STX18: variants seen among roughly 807,000 people sequenced by gnomAD.
STX18 encodes syntaxin 18.
A neutral mutation model predicts 50.1 loss-of-function variants in STX18; 40 were observed. The ratio of observed to expected loss-of-function variants is 0.80; its 90% confidence interval spans 0.62 to 1.04. The LOEUF is 1.04. Ranked by LOEUF, STX18 falls within the 50% of genes least tolerant of loss-of-function variation. The pLI is 0.00. For missense variants in STX18, 410 were observed against 415.8 expected (o/e 0.99, Z 0.12); for synonymous variants, 158 against 151.8 (o/e 1.04, Z -0.30).
chr4:4,436,439 T>C (rs1725778863), intron 6 of STX18, among the ~76,000 whole-genome samples: 1 of 151,474 alleles, frequency 6.6e-6, no homozygotes, highest in Admixed American at 6.6e-5. Flanking sequence ...CTCCTACTTG[T>C]CCTCATTATG....
rs1724854765 is a variant in STX18 at position 4,420,184 on chromosome 4, A to C, written c.913-55T>G. On this transcript the variant is annotated intron_variant, in intron 10 of 10. Coordinates refer to ENST00000306200, the MANE Select transcript of STX18 (RefSeq NM_016930.4). This position sits in a 1 kb window ranked among gnomAD's most constrained non-coding sequence, Gnocchi z 4.3. Reference sequence around the variant, plus strand: ...TATCACACAGGATTTTGGTTTGAGCAGCCCTGAAATGCCCCCCTCTTCCCA... The same window carrying C: ...TATCACACAGGATTTTGGTTTGAGCCGCCCTGAAATGCCCCCCTCTTCCCA... 4 of 1,470,508 alleles carry C rather than the reference A, an allele frequency of 2.7e-6. No homozygotes were observed. The highest frequency in any genetic ancestry group is 1.9e-6 in the Non-Finnish European group (2 of 1,075,164). 91.1% of individuals were successfully genotyped at this position (1,470,508 alleles called of 1,614,324 possible).
At chr4:4,493,864 T>C (rs1337150295) in intron 1 of STX18, among the ~76,000 whole-genome samples, 4 of 152,244 alleles carry the variant, frequency 2.6e-5, no homozygotes, top group African/African-American at 9.6e-5. Context: ...CAAGAAATTA[T>C]GAAGATACAA....
intron 1 of STX18, among the ~76,000 whole-genome samples, chr4:4,498,734 A>C (rs889618311): frequency 1.3e-5 from 2 of 152,252 alleles, no homozygotes; most frequent in Non-Finnish European, 1.5e-5. Flanking sequence ...TCATGTAAGC[A>C]TAAATCAAAT....
chr4:4,496,471 C>T (rs1729174707), intron 1 of STX18, among the ~76,000 whole-genome samples: 1 of 152,158 alleles, frequency 6.6e-6, no homozygotes, highest in Non-Finnish European at 1.5e-5. Flanking sequence ...TTCGCTCACC[C>T]CATCAGCCTC....
intron 1 of STX18, among the ~76,000 whole-genome samples, chr4:4,485,152 T>C (rs1728645843): frequency 6.6e-6 from 1 of 152,212 alleles, no homozygotes; most frequent in South Asian, 2.1e-4. Context: ...CATGGCTTTG[T>C]GTCACTTAAC....
At chr4:4,426,961 C>G (rs780032217) in intron 7 of STX18, among the ~76,000 whole-genome samples, 48 of 152,204 alleles carry the variant, frequency 3.2e-4, no homozygotes, top group Non-Finnish European at 1.6e-4. Flanking sequence ...AAACCCCAGG[C>G]ATCTTCCTAG....
chr4:4,539,784 G>T (rs1386938730), intron 1 of STX18, among the ~76,000 whole-genome samples: 1 of 148,966 alleles, frequency 6.7e-6, no homozygotes, highest in Non-Finnish European at 1.5e-5. Context: ...TGTCCCTGAG[G>T]CCCATTAACT....
intron 1 of STX18, among the ~76,000 whole-genome samples, chr4:4,538,292 A>G (rs752687507): frequency 9.9e-5 from 15 of 152,192 alleles, no homozygotes; most frequent in Non-Finnish European, 1.6e-4. Flanking sequence ...GGCTTCCATG[A>G]TCACAAGGAA....
Position 4,433,923 on chromosome 4 carries a change from T to C in STX18, c.702+847A>G, listed in dbSNP as rs80139698. ...TCTTCCCTGATTAACTAGGGGACTC[T>C]GGGCAAGACCCTTTGCTGCCTTTTG... On this transcript the variant is annotated intron_variant, in intron 7 of 10. Coordinates refer to ENST00000306200, the MANE Select transcript of STX18 (RefSeq NM_016930.4). 7.2e-4 allele frequency among the ~76,000 whole-genome samples: 110 copies of C among 152,366 alleles called. 1 individual carries two copies. The East Asian group carries it at 0.018, about 25-fold the overall frequency.
intron 5 of STX18, among the ~76,000 whole-genome samples, chr4:4,443,984 T>C (rs1053125911): frequency 6.6e-6 from 1 of 152,020 alleles, no homozygotes; most frequent in Non-Finnish European, 1.5e-5. Flanking sequence ...TCTAAGCTCC[T>C]AGTACGTCTT....
chr4:4,507,658 C>G, intron 1 of STX18: 1 of 787,316 alleles, frequency 1.3e-6, no homozygotes, highest in South Asian at 1.3e-5. Flanking sequence ...GCAGCCGGCT[C>G]ATAAAGGTTC....
intron 1 of STX18, among the ~76,000 whole-genome samples, chr4:4,530,988 C>A (rs1403990353): frequency 6.6e-6 from 1 of 152,156 alleles, no homozygotes; most frequent in Non-Finnish European, 1.5e-5. Context: ...TTTGTTTTTA[C>A]AGTTAAATCT....
chr4:4,422,374 C>A (rs902563782), intron 9 of STX18, among the ~76,000 whole-genome samples: 12 of 152,052 alleles, frequency 7.9e-5, no homozygotes, highest in African/African-American at 2.2e-4. Context: ...CGGGACCAGC[C>A]TGGCCAAGAT....
intron 5 of STX18, among the ~76,000 whole-genome samples, chr4:4,448,574 T>C (rs1424781113): frequency 6.6e-6 from 1 of 152,182 alleles, no homozygotes; most frequent in African/African-American, 2.4e-5. Context: ...ACTCCTGATC[T>C]CAAGTGATCC....
intron 9 of STX18, among the ~76,000 whole-genome samples, chr4:4,423,092 A>G (rs1397193948): frequency 6.6e-6 from 1 of 152,208 alleles, no homozygotes; most frequent in Admixed American, 6.5e-5. Flanking sequence ...CTGAAAAGCA[A>G]CTGCCCGTCA....
At chr4:4,522,757 A>T (rs997092120) in intron 1 of STX18, among the ~76,000 whole-genome samples, 3 of 152,250 alleles carry the variant, frequency 2.0e-5, no homozygotes, top group Non-Finnish European at 4.4e-5. Context: ...AAAATTAATC[A>T]TCAGTAGAAA....
intron 5 of STX18, 25 bp from the exon 6 acceptor site, chr4:4,438,534 GGT>G: frequency 6.4e-7 from 1 of 1,556,132 alleles, no homozygotes; most frequent in Non-Finnish European, 8.8e-7. Context: ...TTAGCAGGCA[GGT>G]ATTTTATTTC....
At chr4:4,510,237 C>T (rs1729934521) in intron 1 of STX18, among the ~76,000 whole-genome samples, 1 of 152,020 alleles carries the variant, frequency 6.6e-6, no homozygotes, top group Non-Finnish European at 1.5e-5. Flanking sequence ...TTTAGTTTAA[C>T]CAAAGCAATG....
chr4:4,425,398 C>G, intron 7 of STX18, 176 bp from the exon 8 acceptor site: 1 of 621,448 alleles, frequency 1.6e-6, no homozygotes, highest in Non-Finnish European at 2.9e-6. Context: ...TCCCTGCTTT[C>G]AGGAGAAAGT....
Sources: gnomAD v4.1 joint callset for allele counts (sites outside exome capture counted in the v4.1 genomes callset) on GRCh38, gnomAD v4.1.1 for gene constraint, Gnocchi (gnomAD v3.1) non-coding constraint, MANE v1.5 for transcripts, NCBI Gene and HGNC (gene_info 2026-07-23, HGNC 2026-07-21) for gene names.